The following HTD2 variants were observed in gnomAD, a reference collection of about 807,000 sequenced individuals.
HTD2 encodes the protein hydroxyacyl-thioester dehydratase type 2, mitochondrial.
HTD2 carries 1 observed loss-of-function variant against 3.1 expected under a neutral mutation model. The observed-to-expected ratio is 0.32, with a 90% CI of 0.11 to 1.52. The LOEUF (loss-of-function observed/expected upper bound fraction) is 1.52, where lower values mean the gene tolerates loss of function less well. Among genes scored for constraint, HTD2 ranks in the 40% most tolerant of loss-of-function variants. The pLI is 0.39. For missense variants in HTD2, 150 were observed against 79.6 expected (o/e 1.88, Z -3.36); for synonymous variants, 50 against 28.9 (o/e 1.73, Z -2.34).
intron 1 of HTD2, among the ~76,000 whole-genome samples, chr3:58,306,922 A>G (rs1002329061): frequency 6.6e-6 from 1 of 152,222 alleles, no homozygotes; most frequent in Non-Finnish European, 1.5e-5. Flanking sequence ...AATGCTACGA[A>G]GAAGAAAGCA....
intron 2 of HTD2, chr3:58,315,658 C>T (rs2097487478): frequency 6.6e-6 from 1 of 152,148 alleles, no homozygotes; most frequent in African/African-American, 2.4e-5. Flanking sequence ...CATGAACCTC[C>T]CTGTACATTT....
intron 3 of HTD2, 146 bp downstream of exon 3, chr3:58,316,737 T>C (rs2097488658): frequency 2.3e-6 from 2 of 883,082 alleles, no homozygotes; most frequent in Non-Finnish European, 3.6e-6. Context: ...ATATGAACAT[T>C]CATCCACCAG....
At position 58,317,931 on chromosome 3, in the gene HTD2, A is replaced by G. The variant is rs2097490118; in HGVS notation, c.318A>G (p.Val106=). 2.8e-6 allele frequency: 2 copies of G among 702,776 alleles called. No homozygotes were observed. Among genetic ancestry groups the G allele is most frequent in the African/African-American group, 1.7e-5 (1 of 57,240 alleles). The allele number at this position is 702,776 out of a possible 1,614,324, so 43.5% of individuals were successfully genotyped here. ...CTAAAATGCCAGGGCCAGGCTGTGT[A>G]TTTCTTTCCCAGGAAATTAGCTTTC... ...LGTKMPGPGC[V]FLSQEISFPA... is the part of the protein sequence containing the mutation. Residue 106 remains valine, a synonymous_variant, in exon 5 of 5, where the codon GTA becomes GTG. Transcript: ENST00000461393.
At chr3:58,314,363 GTAA>G (rs1297435155) in intron 2 of HTD2, among the ~76,000 whole-genome samples, 1 of 151,910 alleles carries the variant, frequency 6.6e-6, no homozygotes, top group Non-Finnish European at 1.5e-5. Context: ...AAAAATAATA[GTAA>G]TAATAATAAA....
At chr3:58,316,400 TA>T in intron 2 of HTD2, 114 bp from the exon 3 acceptor site, 1 of 941,958 alleles carries the variant, frequency 1.1e-6, no homozygotes, top group Non-Finnish European at 1.7e-6. Context: ...CACCATTAAA[TA>T]AAATACTGCT....
chr3:58,316,959 A>G lies in HTD2; in HGVS notation c.-209A>G, dbSNP rs377745211. Reference sequence around the variant, plus strand: ...AGCTCTTTGACCCTGTTAGGATCCTATAAAGGCAAAAAATGTGCTTTCCGG... The same window carrying G: ...AGCTCTTTGACCCTGTTAGGATCCTGTAAAGGCAAAAAATGTGCTTTCCGG... On this transcript the variant is annotated 5_prime_UTR_variant, in exon 4 of 5. Coordinates refer to ENST00000461393, the MANE Select transcript of HTD2 (RefSeq NM_001348712.2). 14 of 1,613,946 alleles carry G rather than the reference A, an allele frequency of 8.7e-6. No individual in the cohort carries two copies. The highest frequency in any genetic ancestry group is 1.2e-5 in the Non-Finnish European group (14 of 1,179,954).
At chr3:58,308,762 G>C (rs1468864924) in intron 1 of HTD2, among the ~76,000 whole-genome samples, 1 of 151,562 alleles carries the variant, frequency 6.6e-6, no homozygotes, top group African/African-American at 2.4e-5. Flanking sequence ...GTTCCCTGTA[G>C]TGGGGGATCC....
chr3:58,307,747 A>C (rs1243635870), intron 1 of HTD2: 1 of 152,240 alleles, frequency 6.6e-6, no homozygotes, highest in Non-Finnish European at 1.5e-5. Context: ...TCGTGAGCCC[A>C]CATCTGTGGA....
In HTD2 at chr3:58,319,722, A is replaced by G. The variant is rs1284111531; in HGVS notation, c.*1602A>G. ...TGGGGGCTGGGGTCAGGGAGGTTATATTGAAGGGGAGATGTGCCTAACATG... is the reference window on the plus strand; with the variant it reads ...TGGGGGCTGGGGTCAGGGAGGTTATGTTGAAGGGGAGATGTGCCTAACATG... On this transcript the variant is annotated 3_prime_UTR_variant, in exon 5 of 5. Coordinates refer to ENST00000461393, the MANE Select transcript of HTD2 (RefSeq NM_001348712.2). The G allele has an allele frequency of 6.6e-6, 1 of 152,064 alleles. No individual in the cohort carries two copies. The highest frequency in any genetic ancestry group is 1.5e-5 in the Non-Finnish European group (1 of 68,022). 9.4% of individuals were successfully genotyped at this position (152,064 alleles called of 1,614,324 possible).
At chr3:58,317,108 A>G (rs2097489122) in intron 4 of HTD2, 115 bp downstream of exon 4, 2 of 742,662 alleles carry the variant, frequency 2.7e-6, no homozygotes, top group Admixed American at 2.8e-5. Context: ...AAAATGATCT[A>G]AGTAGGGGAA....
In HTD2 at chr3:58,318,191, C is replaced by G. The variant is rs1370460486; in HGVS notation, c.*71C>G. The G allele has an allele frequency of 9.3e-5, 56 of 599,724 alleles. 2 individuals carry two copies. The highest frequency in any genetic ancestry group is 8.9e-4 in the South Asian group (43 of 48,506). The allele number at this position is 599,724 out of a possible 1,614,324, so 37.2% of individuals were successfully genotyped here. A position where few individuals can be genotyped will look rare whatever the true frequency, so the allele number is the denominator to read the frequency against. ...AAAGAGCCTATGGGGAATTGCTGCTCTTTACCAAAGAATGGTTGATAGGCC... is the reference window on the plus strand; with the variant it reads ...AAAGAGCCTATGGGGAATTGCTGCTGTTTACCAAAGAATGGTTGATAGGCC... On this transcript the variant is annotated 3_prime_UTR_variant, in exon 5 of 5. Transcript: ENST00000461393.
At chr3:58,317,325 G>A (rs2097489362) in intron 4 of HTD2, 115 bp from the exon 5 acceptor site, 2 of 698,602 alleles carry the variant, frequency 2.9e-6, no homozygotes, top group Middle Eastern at 2.5e-4. Flanking sequence ...AGGATGCTCT[G>A]TAAAATGCTC....
chr3:58,313,652 T>C (rs1327255507), intron 2 of HTD2, among the ~76,000 whole-genome samples: 1 of 152,008 alleles, frequency 6.6e-6, no homozygotes, highest in Non-Finnish European at 1.5e-5. Flanking sequence ...TGAAACCCCA[T>C]CTCTACAAAA....
intron 1 of HTD2, 123 bp from the exon 2 acceptor site, chr3:58,310,384 T>C (rs756442739): frequency 6.2e-7 from 1 of 1,614,128 alleles, no homozygotes; most frequent in East Asian, 2.2e-5. Context: ...CCCTTCCGAG[T>C]ACCACTACAT....
At chr3:58,314,675 ATTTTTTTTTTTT>A (rs751757663) in intron 2 of HTD2, among the ~76,000 whole-genome samples, 3 of 90,560 alleles carry the variant, frequency 3.3e-5, no homozygotes, top group Admixed American at 1.7e-4. Context: ...GTTTGGCAGT[ATTTTTTTTTTTT>A]TTTTTTTTTT....
intron 2 of HTD2, among the ~76,000 whole-genome samples, chr3:58,315,404 G>A (rs892965813): frequency 6.6e-6 from 1 of 152,094 alleles, no homozygotes; most frequent in Admixed American, 6.6e-5. Flanking sequence ...GGGTGTGGCT[G>A]TAAAGGGTAG....
At position 58,317,604 on chromosome 3, in the gene HTD2, G is replaced by A. The variant is rs1235538377; in HGVS notation, c.-10G>A. ...CTAAAAGCTCTTGATGAAATTTGAG[G>A]GTGCTGAAGATGTTCCCACTAATTT... On this transcript the variant is annotated 5_prime_UTR_variant, in exon 5 of 5. Transcript: ENST00000461393. The A allele has an allele frequency of 1.2e-6, 1 of 812,058 alleles. No homozygotes were observed. The highest frequency in any genetic ancestry group is 2.1e-6 in the Non-Finnish European group (1 of 479,738). The allele number at this position is 812,058 out of a possible 1,614,324, so 50.3% of individuals were successfully genotyped here.
Position 58,319,007 on chromosome 3 carries a change from G to C in HTD2, c.*887G>C, listed in dbSNP as rs570526383. The C allele has an allele frequency of 6.6e-6, 1 of 151,034 alleles. No homozygotes were observed. The highest frequency in any genetic ancestry group is 6.6e-5 in the Admixed American group (1 of 15,124). 9.4% of individuals were successfully genotyped at this position (151,034 alleles called of 1,614,324 possible). On this transcript the variant is annotated 3_prime_UTR_variant, in exon 5 of 5. Coordinates refer to ENST00000461393, the MANE Select transcript of HTD2 (RefSeq NM_001348712.2). ...AACTCCACCTCAAAAAAAAAAAAAAGATTCTACTTTTAGAAATTCAGACCT... is the reference window on the plus strand; with the variant it reads ...AACTCCACCTCAAAAAAAAAAAAAACATTCTACTTTTAGAAATTCAGACCT...
At position 58,310,568 on chromosome 3, in the gene HTD2, G is replaced by T; in HGVS notation, c.-354G>T. The T allele has an allele frequency of 6.2e-7, 1 of 1,612,944 alleles. No individual in the cohort carries two copies. The highest frequency in any genetic ancestry group is 8.5e-7 in the Non-Finnish European group (1 of 1,179,706). Reference sequence around the variant, plus strand: ...ACAGTTCAAACAGCTGCTTATTTCGGCTGTGAAGGACCTGTTTGGGGAGGT... The same window carrying T: ...ACAGTTCAAACAGCTGCTTATTTCGTCTGTGAAGGACCTGTTTGGGGAGGT... On this transcript the variant is annotated 5_prime_UTR_variant, in exon 2 of 5. Transcript: ENST00000461393.
Sources: gnomAD v4.1 joint callset for allele counts (sites outside exome capture counted in the v4.1 genomes callset) on GRCh38, gnomAD v4.1.1 for gene constraint, MANE v1.5 for transcripts, NCBI Gene and HGNC (gene_info 2026-07-23, HGNC 2026-07-21) for gene names.